The following CTTNBP2 variants were observed in gnomAD, a reference collection of about 807,000 sequenced individuals.
The protein encoded by CTTNBP2 is cortactin binding protein 2.
Under a neutral mutation model 156.9 loss-of-function variants are expected in CTTNBP2, and 108 were observed. The ratio of observed to expected loss-of-function variants is 0.69; its 90% CI spans 0.59 to 0.81. The LOEUF (loss-of-function observed/expected upper bound fraction) is 0.81. Ranked by LOEUF, CTTNBP2 falls within the 30% of genes least tolerant of loss-of-function variation. The probability of loss-of-function intolerance (pLI) is 0.00; values close to 1 mark genes in which losing one functional copy is unlikely to be tolerated. For synonymous variants in CTTNBP2, 767 were observed against 751.8 expected (o/e 1.02, Z -0.33); for missense variants, 1,924 against 2,035.4 (o/e 0.95, Z 1.05).
intron 12 of CTTNBP2, among the ~76,000 whole-genome samples, chr7:117,750,603 T>A (rs1796571113): frequency 6.6e-6 from 1 of 152,214 alleles, no homozygotes; most frequent in Non-Finnish European, 1.5e-5. Context: ...GATATAGTCA[T>A]GTTGGTTACC....
At chr7:117,811,266 G>A (rs1425910927) in intron 2 of CTTNBP2, among the ~76,000 whole-genome samples, 2 of 152,016 alleles carry the variant, frequency 1.3e-5, no homozygotes, top group East Asian at 3.9e-4. Flanking sequence ...TACTCCTCAA[G>A]GATCAGAATT....
At chr7:117,724,943 AG>A (rs1795006889) in intron 18 of CTTNBP2, 108 bp downstream of exon 18, 1 of 1,128,674 alleles carries the variant, frequency 8.9e-7, no homozygotes, top group Admixed American at 2.0e-5. Flanking sequence ...CACTGCTATA[AG>A]ATGTATATTT....
chr7:117,851,086 T>C (rs1421700366), intron 2 of CTTNBP2, among the ~76,000 whole-genome samples: 2 of 152,108 alleles, frequency 1.3e-5, no homozygotes, highest in East Asian at 1.9e-4. Flanking sequence ...GGAGCAACTA[T>C]TTGCTGTCAC....
At chr7:117,802,831 G>A (rs1799711537) in intron 3 of CTTNBP2, among the ~76,000 whole-genome samples, 1 of 152,098 alleles carries the variant, frequency 6.6e-6, no homozygotes, top group Admixed American at 6.5e-5. Context: ...ACCACAATGA[G>A]ATACCACTTC....
At chr7:117,737,317 C>A (rs984240773) in intron 14 of CTTNBP2, among the ~76,000 whole-genome samples, 4 of 152,170 alleles carry the variant, frequency 2.6e-5, no homozygotes, top group African/African-American at 7.2e-5. Flanking sequence ...ATTAAAAAAA[C>A]ACACAGGATT....
chr7:117,726,735 G>A (rs2116431049), intron 17 of CTTNBP2, among the ~76,000 whole-genome samples: 1 of 152,260 alleles, frequency 6.6e-6, no homozygotes, highest in Admixed American at 6.5e-5. Context: ...TGGGAAGGGG[G>A]GAGTTCCACA....
Position 117,792,903 on chromosome 7 carries a change from G to A in CTTNBP2, c.415-122C>T, listed in dbSNP as rs1799113387. ...TTACATAACTCGGGTTAGCAAAAAC[G>A]CCACATTTTCAAAAAGTGTTGTGAT... On this transcript the variant is annotated intron_variant, in intron 3 of 22. Transcript: ENST00000160373. This position sits in a 1 kb window ranked among gnomAD's most constrained non-coding sequence, Gnocchi z 4.2. The A allele has an allele frequency of 1.1e-5, 7 of 612,378 alleles. No individual in the cohort carries two copies. Among genetic ancestry groups the A allele is most frequent in the African/African-American group, 3.8e-5 (2 of 53,004 alleles). The allele number at this position is 612,378 out of a possible 1,614,324, so 37.9% of individuals were successfully genotyped here.
intron 3 of CTTNBP2, among the ~76,000 whole-genome samples, chr7:117,808,569 G>A (rs1800082387): frequency 6.6e-6 from 1 of 152,196 alleles, no homozygotes; most frequent in Admixed American, 6.5e-5. Flanking sequence ...GCAGCGCTCA[G>A]GCCAAGTGTC....
At chr7:117,864,688 T>C (rs149864664) in intron 1 of CTTNBP2, among the ~76,000 whole-genome samples, 1 of 84,240 alleles carries the variant, frequency 1.2e-5, no homozygotes, top group Non-Finnish European at 3.1e-5. Flanking sequence ...TTATATATAT[T>C]CATATATATT....
At chr7:117,816,396 TTC>T (rs1220222981) in intron 2 of CTTNBP2, among the ~76,000 whole-genome samples, 3 of 152,200 alleles carry the variant, frequency 2.0e-5, no homozygotes, top group East Asian at 3.9e-4. Flanking sequence ...GGAGTAGTCT[TTC>T]TAAAATGGAA....
intron 16 of CTTNBP2, among the ~76,000 whole-genome samples, chr7:117,729,789 T>C (rs1310381634): frequency 1.3e-5 from 2 of 152,082 alleles, no homozygotes; most frequent in Admixed American, 6.6e-5. Context: ...CAAGCTGCTA[T>C]GGTAATTCAA....
At position 117,834,227 on chromosome 7, in the gene CTTNBP2, G is replaced by A. The variant is rs183061688; in HGVS notation, c.190-23238C>T. On this transcript the variant is annotated intron_variant, in intron 2 of 22. Coordinates refer to ENST00000160373, the MANE Select transcript of CTTNBP2 (RefSeq NM_033427.3). ...CTGCTACCACACCTGGCTAATTTTT[G>A]TATTTTTAGTAGAGACAGGGTTTCA... Among the ~76,000 whole-genome samples, 120 of 152,120 alleles carry A rather than the reference G, an allele frequency of 7.9e-4. 1 individual carries two copies. Among genetic ancestry groups the A allele is most frequent in the African/African-American group, 2.7e-3 (113 of 41,518 alleles).
chr7:117,740,947 TAGG>T (rs1795977967), intron 14 of CTTNBP2, among the ~76,000 whole-genome samples: 1 of 152,124 alleles, frequency 6.6e-6, no homozygotes, highest in South Asian at 2.1e-4. Context: ...GAGTGGGTTT[TAGG>T]AGATGAGGGT....
At chr7:117,790,780 G>T (rs1655984058) in intron 4 of CTTNBP2, among the ~76,000 whole-genome samples, 2 of 152,146 alleles carry the variant, frequency 1.3e-5, no homozygotes. Context: ...ACCCACTGAG[G>T]TCTTGCGAGA....
rs375076365 is a variant in CTTNBP2, at chr7:117,861,201, G to A, written c.189+8C>T. The A allele has an allele frequency of 2.9e-5, 46 of 1,586,052 alleles. No homozygotes were observed. In the East Asian group the frequency reaches 4.5e-4, roughly 15 times the overall value. On this transcript the variant is annotated splice_region_variant and intron_variant, in intron 2 of 22. Transcript: ENST00000160373. ...CAGCATGGAGACCCACTCCTGTGTC[G>A]TCCTTACCCGCAGGGCCTCGATGAC... is the stretch of plus-strand genomic sequence containing the variant.
chr7:117,832,737 CTTTTTT>C (rs927988376), intron 2 of CTTNBP2, among the ~76,000 whole-genome samples: 4 of 112,998 alleles, frequency 3.5e-5, no homozygotes, highest in African/African-American at 1.2e-4. Flanking sequence ...ATTCATCAAC[CTTTTTT>C]TTTTTTTTTT....
chr7:117,857,537 A>G (rs1345704874), intron 2 of CTTNBP2, among the ~76,000 whole-genome samples: 1 of 152,212 alleles, frequency 6.6e-6, no homozygotes, highest in Non-Finnish European at 1.5e-5. Context: ...CATCTGAAAT[A>G]TATGTTTAAA....
intron 19 of CTTNBP2, among the ~76,000 whole-genome samples, chr7:117,723,011 A>G (rs905163263): frequency 5.3e-5 from 8 of 152,192 alleles, no homozygotes; most frequent in African/African-American, 1.9e-4. Context: ...TGAAAGGTAT[A>G]ATCCTTGCTA....
rs543422821 is a variant in CTTNBP2, at chr7:117,782,137, A to G, written c.2372+725T>C. Among the ~76,000 whole-genome samples the G allele has an allele frequency of 5.9e-5, 9 of 152,362 alleles. No individual in the cohort carries two copies. In the South Asian group the frequency reaches 1.9e-3, roughly 32 times the overall value. The stretch of plus-strand genomic sequence containing the variant: ...TTTGTTAAAGAACATTCCTATCGGG[A>G]CAGTTAGATTAAAAAGTTAAAAGCA... On this transcript the variant is annotated intron_variant, in intron 6 of 22. Transcript: ENST00000160373.
Sources: allele counts gnomAD v4.1 joint callset (sites outside exome capture counted in the v4.1 genomes callset), GRCh38; gene constraint gnomAD v4.1.1; non-coding constraint Gnocchi (gnomAD v3.1); transcripts MANE v1.5; gene names NCBI Gene and HGNC (gene_info 2026-07-23, HGNC 2026-07-21).